Variants in FBXO40 observed in about 807,000 individuals in gnomAD.
FBXO40 encodes F-box only protein 40.
In FBXO40, 50 loss-of-function variants were observed where a neutral mutation model predicts 49.9. The observed-to-expected ratio is 1.00, with a 90% CI of 0.80 to 1.27. The LOEUF is 1.27. Among genes scored for constraint, FBXO40 ranks in the 50% most tolerant of loss-of-function variants. FBXO40 has a pLI of 0.00. For synonymous variants in FBXO40, 340 were observed against 320.2 expected, an observed-to-expected ratio of 1.06 and a Z score of -0.66; for missense variants, 895 against 870.1, an observed-to-expected ratio of 1.03 and a Z score of -0.36.
chr3:121,608,888 T>G (rs1302009280), intron 1 of FBXO40, among the ~76,000 whole-genome samples: 1 of 152,148 alleles, frequency 6.6e-6, no homozygotes, highest in Non-Finnish European at 1.5e-5. Context: ...AAAGGAAAAA[T>G]GGCTTATCCA....
chr3:121,608,878 A>G (rs2048949865), intron 1 of FBXO40, among the ~76,000 whole-genome samples: 1 of 152,208 alleles, frequency 6.6e-6, no homozygotes, highest in Non-Finnish European at 1.5e-5. Flanking sequence ...TTGGCCACAT[A>G]AAGGAAAAAT....
chr3:121,627,027 G>T lies in FBXO40; in HGVS notation c.*117G>T. On this transcript the variant is annotated 3_prime_UTR_variant, in exon 4 of 4. Transcript: ENST00000338040. The stretch of plus-strand genomic sequence containing the variant: ...GTAAACTGCCTATTTGCTTATCGGG[G>T]TGTATTGGAACACGCAATGTCCTTC... The T allele has an allele frequency of 1.1e-6, 1 of 906,880 alleles. No homozygotes were observed. The highest frequency in any genetic ancestry group is 1.6e-5 in the African/African-American group (1 of 60,678). The allele number at this position is 906,880 out of a possible 1,614,324, so 56.2% of individuals were successfully genotyped here. A position where few individuals can be genotyped will look rare whatever the true frequency, so the allele number is the denominator to read the frequency against.
chr3:121,623,688 C>CCTT (rs1553841580), intron 3 of FBXO40, among the ~76,000 whole-genome samples: 1 of 128,964 alleles, frequency 7.8e-6, no homozygotes, highest in African/African-American at 3.0e-5. Context: ...TTTTAAAGGC[C>CCTT]TTTTTTTTTT....
rs755024056 is a variant in FBXO40 at position 121,622,682 on chromosome 3, G to A, written c.1253G>A (p.Ser418Asn). Residue 418 changes from serine (S) to asparagine (N), a missense_variant, in exon 3 of 4, where the codon AGC becomes AAC. Transcript: ENST00000338040. The part of the protein sequence containing the change: ...LKGHVISESR[S>N]IDGLFMDFAT... ...GGCCACGTCATCTCTGAATCCAGAA[G>A]CATTGATGGACTGTTCATGGATTTT... is the stretch of plus-strand genomic sequence containing the variant. 7 of 1,614,200 alleles carry A rather than the reference G, an allele frequency of 4.3e-6. No individual in the cohort carries two copies. Among genetic ancestry groups the A allele is most frequent in the Non-Finnish European group, 5.9e-6 (7 of 1,180,036 alleles).
intron 2 of FBXO40, 141 bp from the exon 3 acceptor site, chr3:121,621,292 G>C: frequency 1.5e-6 from 1 of 681,526 alleles, no homozygotes; most frequent in East Asian, 2.6e-5. Context: ...TTGTGGGATT[G>C]TGATATTCCA....
intron 1 of FBXO40, among the ~76,000 whole-genome samples, chr3:121,602,096 G>A (rs531417832): frequency 1.1e-3 from 174 of 152,248 alleles, no homozygotes; most frequent in African/African-American, 3.6e-3. Context: ...ATTTGAGGCC[G>A]TAGCTCACTT....
Position 121,627,606 on chromosome 3 carries a change from C to T in FBXO40, c.*696C>T, listed in dbSNP as rs921891899. Reference sequence around the variant, plus strand: ...ATACAGCAGGAAAGCCTTGATAAATCGGGAGTCCAAAGGAGACACCATATT... The same window carrying T: ...ATACAGCAGGAAAGCCTTGATAAATTGGGAGTCCAAAGGAGACACCATATT... On this transcript the variant is annotated 3_prime_UTR_variant, in exon 4 of 4. Coordinates refer to ENST00000338040, the MANE Select transcript of FBXO40 (RefSeq NM_016298.4). 1.1e-4 allele frequency: 39 copies of T among 367,828 alleles called. No homozygotes were observed. Among genetic ancestry groups the T allele is most frequent in the South Asian group, 3.0e-4 (2 of 6,712 alleles). 22.8% of individuals were successfully genotyped at this position (367,828 alleles called of 1,614,324 possible).
intron 1 of FBXO40, among the ~76,000 whole-genome samples, chr3:121,602,780 CT>C (rs939633622): frequency 1.3e-4 from 19 of 147,710 alleles, no homozygotes; most frequent in African/African-American, 2.5e-4. Flanking sequence ...ATAATGGACT[CT>C]TTTTTTTTTT....
chr3:121,627,390 AGCT>A lies in FBXO40; in HGVS notation c.*482_*484del, dbSNP rs1390416019. The A allele has an allele frequency of 5.8e-6, 1 of 172,624 alleles. No individual in the cohort carries two copies. Among genetic ancestry groups the A allele is most frequent in the East Asian group, 1.6e-4 (1 of 6,114 alleles). The allele number at this position is 172,624 out of a possible 1,614,324, so 10.7% of individuals were successfully genotyped here. ...AAGGGAACAAAGCTGGAGGCTCTGG[AGCT>A]GGGTCTGTTTTGACGGTCAAGTCCA... On this transcript the variant is annotated 3_prime_UTR_variant, in exon 4 of 4. Transcript: ENST00000338040.
intron 1 of FBXO40, among the ~76,000 whole-genome samples, chr3:121,604,556 A>G (rs2048920895): frequency 6.6e-6 from 1 of 152,168 alleles, no homozygotes; most frequent in Admixed American, 6.5e-5. Flanking sequence ...TTATCTAAAG[A>G]AAGTGTGGGA....
At chr3:121,617,193 T>G (rs1416728965) in intron 1 of FBXO40, among the ~76,000 whole-genome samples, 5 of 152,114 alleles carry the variant, frequency 3.3e-5, no homozygotes, top group Admixed American at 2.6e-4. Flanking sequence ...AAATGATAAA[T>G]ACTTGAGATG....
intron 1 of FBXO40, among the ~76,000 whole-genome samples, chr3:121,597,460 T>C (rs1329389375): frequency 1.3e-5 from 2 of 152,092 alleles, no homozygotes; most frequent in Middle Eastern, 3.4e-3. Flanking sequence ...GACAGTGGAA[T>C]ATAAGATACA....
chr3:121,606,197 C>G (rs2108846116), intron 1 of FBXO40, among the ~76,000 whole-genome samples: 2 of 152,252 alleles, frequency 1.3e-5, no homozygotes, highest in East Asian at 3.9e-4. Flanking sequence ...AAGGATTTCT[C>G]CTGAAGAGGA....
chr3:121,621,850 T>C lies in FBXO40; in HGVS notation c.421T>C (p.Leu141=), dbSNP rs1211721586. Residue 141 remains leucine (L), a synonymous_variant, in exon 3 of 4, where the codon TTG becomes CTG. Coordinates refer to ENST00000338040, the MANE Select transcript of FBXO40 (RefSeq NM_016298.4). ...GGATCAGAAGGTCCTCTTCAGATCC[T>C]TGAAAATGGTGGAACTTTTCCCAGA... ...LQDQKVLFRS[L]KMVELFPETR... 6.2e-7 allele frequency: 1 copy of C among 1,614,194 alleles called. No homozygotes were observed. Among genetic ancestry groups the C allele is most frequent in the South Asian group, 1.1e-5 (1 of 91,084 alleles).
chr3:121,625,315 C>G (rs1390057390), intron 3 of FBXO40, among the ~76,000 whole-genome samples: 1 of 152,184 alleles, frequency 6.6e-6, no homozygotes, highest in African/African-American at 2.4e-5. Flanking sequence ...GTCAATAATT[C>G]TATAATCTCA....
Position 121,622,203 on chromosome 3 carries a change from A to G in FBXO40, c.774A>G (p.Val258=). 6.2e-7 allele frequency: 1 copy of G among 1,614,052 alleles called. No homozygotes were observed. ...KEQISSGHNM[V]EGEGAPKKKE... is the part of the protein sequence containing the mutation. ...AGATTTCCAGTGGCCATAACATGGTAGAAGGAGAGGGCGCTCCCAAAAAGA... is the reference window on the plus strand; with the variant it reads ...AGATTTCCAGTGGCCATAACATGGTGGAAGGAGAGGGCGCTCCCAAAAAGA... The change falls in exon 3 of 4, where the codon GTA becomes GTG. Residue 258 remains valine, a synonymous_variant. Coordinates refer to ENST00000338040, the MANE Select transcript of FBXO40 (RefSeq NM_016298.4).
chr3:121,614,611 C>A (rs1018277409), intron 1 of FBXO40, among the ~76,000 whole-genome samples: 4 of 152,136 alleles, frequency 2.6e-5, no homozygotes, highest in Admixed American at 2.0e-4. Context: ...TAGTGGCAAA[C>A]ATCTCATAGG....
Position 121,626,766 on chromosome 3 carries a change from G to C in FBXO40, c.1986G>C (p.Glu662Asp). ...WEFNEVTSMS[E>D]HLKSCPFNIV... The stretch of plus-strand genomic sequence containing the variant: ...TTAATGAAGTCACCTCCATGTCTGA[G>C]CACCTGAAGTCCTGTCCTTTCAACA... The change falls in exon 4 of 4, where the codon GAG becomes GAC. Residue 662 changes from glutamate to aspartate, a missense_variant. Coordinates refer to ENST00000338040, the MANE Select transcript of FBXO40 (RefSeq NM_016298.4). The C allele has an allele frequency of 6.2e-7, 1 of 1,614,172 alleles. No homozygotes were observed. Among genetic ancestry groups the C allele is most frequent in the Non-Finnish European group, 8.5e-7 (1 of 1,180,038 alleles).
intron 2 of FBXO40, 45 bp downstream of exon 2, chr3:121,620,623 G>A (rs2049025161): frequency 6.2e-7 from 1 of 1,613,230 alleles, no homozygotes; most frequent in Non-Finnish European, 8.5e-7. Context: ...GAGAGGTCCA[G>A]GTCTTCCTTC....
Sources: gnomAD v4.1 joint callset for allele counts (sites outside exome capture counted in the v4.1 genomes callset) on GRCh38, gnomAD v4.1.1 for gene constraint, MANE v1.5 for transcripts, NCBI Gene and HGNC (gene_info 2026-07-23, HGNC 2026-07-21) for gene names.